The following SNAP23 variants were observed in gnomAD, a reference collection of about 807,000 sequenced individuals.
The protein encoded by SNAP23 is synaptosomal-associated protein 23.
SNAP23 carries 11 observed loss-of-function variants against 29.0 expected under a neutral mutation model. That is an observed-to-expected ratio of 0.38 (90% CI 0.24 to 0.63). The LOEUF (loss-of-function observed/expected upper bound fraction) is 0.63, where lower values mean the gene tolerates loss of function less well. Ranked by LOEUF, SNAP23 falls within the 20% of genes least tolerant of loss-of-function variation. The pLI, the probability that SNAP23 is intolerant of heterozygous loss-of-function variation, is 0.58. For missense variants in SNAP23, 220 were observed against 253.9 expected, an observed-to-expected ratio of 0.87 and a Z score of 0.91; for synonymous variants, 60 against 82.9, an observed-to-expected ratio of 0.72 and a Z score of 1.50.
At chr15:42,521,778 G>A (rs554377730) in intron 5 of SNAP23, 11 of 575,048 alleles carry the variant, frequency 1.9e-5, no homozygotes, top group African/African-American at 1.7e-4. Flanking sequence ...TCTCTAAACT[G>A]TGTGGTGGTG....
In SNAP23 at chr15:42,515,369, TAA is replaced by T; in HGVS notation, c.266+16_266+17del. On this transcript the variant is annotated intron_variant, in intron 5 of 7. Transcript: ENST00000249647. ...CCATGTAATAGGTGAGTTGATAAAT[TAA>T]GATGGTTTCAAAATAAGTAATGAGA... The T allele has an allele frequency of 4.7e-6, 7 of 1,500,374 alleles. No individual in the cohort carries two copies. The highest frequency in any genetic ancestry group is 6.5e-6 in the Non-Finnish European group (7 of 1,084,730). 92.9% of individuals were successfully genotyped at this position (1,500,374 alleles called of 1,614,324 possible).
chr15:42,527,047 A>C (rs1272360347), intron 5 of SNAP23, among the ~76,000 whole-genome samples: 1 of 152,118 alleles, frequency 6.6e-6, no homozygotes, highest in Admixed American at 6.5e-5. Context: ...CATGTTGCCC[A>C]GGCTGGTCTT....
At chr15:42,513,742 AG>A (rs1248922824) in intron 4 of SNAP23, among the ~76,000 whole-genome samples, 1 of 152,018 alleles carries the variant, frequency 6.6e-6, no homozygotes, top group Non-Finnish European at 1.5e-5. Flanking sequence ...CTGGGATTAC[AG>A]GCACCTGCCA....
chr15:42,520,115 A>C (rs2057432396), intron 5 of SNAP23, among the ~76,000 whole-genome samples: 1 of 126,070 alleles, frequency 7.9e-6, no homozygotes, highest in Non-Finnish European at 1.5e-5. Context: ...CAGTGGTGTG[A>C]TCTCAGCTCA....
intron 1 of SNAP23, among the ~76,000 whole-genome samples, chr15:42,502,075 T>A (rs1365484852): frequency 6.7e-6 from 1 of 150,200 alleles, no homozygotes; most frequent in African/African-American, 2.5e-5. Flanking sequence ...TCGCCTAGGC[T>A]GGAGTGCAGT....
intron 4 of SNAP23, among the ~76,000 whole-genome samples, chr15:42,514,602 TA>T (rs2057383742): frequency 6.6e-6 from 1 of 152,176 alleles, no homozygotes; most frequent in Admixed American, 6.5e-5. Flanking sequence ...TTGAACCTAT[TA>T]TAGAAATGAT....
chr15:42,519,752 A>C (rs2057428123), intron 5 of SNAP23, among the ~76,000 whole-genome samples: 1 of 151,054 alleles, frequency 6.6e-6, no homozygotes, highest in Admixed American at 6.6e-5. Flanking sequence ...ATCCTCCCAC[A>C]TTGGCCTCCC....
At chr15:42,531,332 G>T in intron 7 of SNAP23, 81 bp from the exon 8 acceptor site, 1 of 866,398 alleles carries the variant, frequency 1.2e-6, no homozygotes, top group South Asian at 2.5e-5. Context: ...TTCTTGGTGT[G>T]TCAGTTACTC....
rs767097495 is a variant in SNAP23, at chr15:42,515,325, C to T, written c.237C>T (p.Cys79=). Residue 79 remains cysteine, a synonymous_variant, in exon 5 of 8, where the codon TGC becomes TGT. Transcript: ENST00000249647. The part of the protein sequence containing the change: ...TEKTLTELNK[C]CGLCVCPCNR... ...AGACTTTAACAGAACTCAACAAATG[C>T]TGTGGCCTTTGTGTCTGCCCATGTA... is the stretch of plus-strand genomic sequence containing the variant. 1 of 1,611,076 alleles carries T rather than the reference C, an allele frequency of 6.2e-7. No individual in the cohort carries two copies. Among genetic ancestry groups the T allele is most frequent in the South Asian group, 1.1e-5 (1 of 90,750 alleles).
At chr15:42,510,068 CAAAAAAATA>C (rs2057348335) in intron 1 of SNAP23, among the ~76,000 whole-genome samples, 1 of 150,964 alleles carries the variant, frequency 6.6e-6, no homozygotes, top group Non-Finnish European at 1.5e-5. Flanking sequence ...GACTCCATCT[CAAAAAAATA>C]AAAAAAATAA....
chr15:42,499,854 A>G (rs1451895801), intron 1 of SNAP23, among the ~76,000 whole-genome samples: 5 of 152,182 alleles, frequency 3.3e-5, no homozygotes, highest in Non-Finnish European at 7.3e-5. Context: ...ACCAGATGAA[A>G]GTAGATTAGG....
intron 3 of SNAP23, 119 bp downstream of exon 3, chr15:42,513,115 C>T: frequency 1.2e-6 from 1 of 848,442 alleles, no homozygotes; most frequent in Admixed American, 2.0e-5. Context: ...TTGAAATTAA[C>T]AGTTGCTGAA....
chr15:42,517,756 G>C (rs1433202162), intron 5 of SNAP23, among the ~76,000 whole-genome samples: 1 of 152,122 alleles, frequency 6.6e-6, no homozygotes, highest in African/African-American at 2.4e-5. Context: ...TGTCTCCCGG[G>C]CTTGAATGCA....
intron 5 of SNAP23, among the ~76,000 whole-genome samples, chr15:42,516,902 C>T (rs2057401165): frequency 1.3e-5 from 2 of 152,286 alleles, no homozygotes; most frequent in South Asian, 2.1e-4. Context: ...GACCTGTTTA[C>T]ACCTTGGTTG....
At chr15:42,498,572 G>T (rs1029483710) in intron 1 of SNAP23, among the ~76,000 whole-genome samples, 8 of 152,278 alleles carry the variant, frequency 5.3e-5, no homozygotes, top group Admixed American at 4.6e-4. Flanking sequence ...TCTTGTGATG[G>T]GAGGGGCTGC....
chr15:42,498,263 C>T (rs1055565178), intron 1 of SNAP23, among the ~76,000 whole-genome samples: 6 of 152,218 alleles, frequency 3.9e-5, no homozygotes, highest in Non-Finnish European at 8.8e-5. Context: ...CTGCAGTGCC[C>T]TAGCAGAGGT....
chr15:42,524,020 C>T (rs916055730), intron 5 of SNAP23, among the ~76,000 whole-genome samples: 3 of 151,450 alleles, frequency 2.0e-5, no homozygotes, highest in African/African-American at 7.3e-5. Context: ...GTTTCACCAT[C>T]TTGGCCAGGC....
chr15:42,523,340 T>C (rs1051835602), intron 5 of SNAP23, among the ~76,000 whole-genome samples: 2 of 152,220 alleles, frequency 1.3e-5, no homozygotes, highest in African/African-American at 2.4e-5. Flanking sequence ...AGAGGGGCTG[T>C]ACATTTTATT....
chr15:42,517,058 T>C (rs1351596085), intron 5 of SNAP23, among the ~76,000 whole-genome samples: 3 of 152,176 alleles, frequency 2.0e-5, no homozygotes, highest in African/African-American at 4.8e-5. Flanking sequence ...TAGCTGGGAT[T>C]ACAAATATGT....
Sources: gnomAD v4.1 joint callset for allele counts (sites outside exome capture counted in the v4.1 genomes callset) on GRCh38, gnomAD v4.1.1 for gene constraint, MANE v1.5 for transcripts, NCBI Gene and HGNC (gene_info 2026-07-23, HGNC 2026-07-21) for gene names.